The following GALNT17 variants were observed in gnomAD, a reference collection of about 807,000 sequenced individuals.
GALNT17 encodes the protein polypeptide N-acetylgalactosaminyltransferase 17.
A neutral mutation model predicts 63.7 loss-of-function variants in GALNT17; 29 were observed. The ratio of observed to expected loss-of-function variants is 0.46; its 90% CI spans 0.34 to 0.62. The LOEUF (loss-of-function observed/expected upper bound fraction) is 0.62. Ranked by LOEUF, GALNT17 falls within the 20% of genes least tolerant of loss-of-function variation. GALNT17 has a pLI of 0.01. For synonymous variants in GALNT17, 305 were observed against 318.3 expected (o/e 0.96, Z 0.45); for missense variants, 603 against 799.6 (o/e 0.75, Z 2.97).
intron 9 of GALNT17, among the ~76,000 whole-genome samples, chr7:71,687,411 C>T (rs1791377261): frequency 6.6e-6 from 1 of 152,160 alleles, no homozygotes. Context: ...CACCCCTGGT[C>T]GTCGTCGGAA....
chr7:71,591,197 C>T (rs1789795106), intron 6 of GALNT17, among the ~76,000 whole-genome samples: 1 of 152,024 alleles, frequency 6.6e-6, no homozygotes, highest in South Asian at 2.1e-4. Context: ...GCTGGGATTA[C>T]AGGCATGTGC....
intron 5 of GALNT17, among the ~76,000 whole-genome samples, chr7:71,447,947 G>A (rs1787188887): frequency 6.6e-6 from 1 of 152,128 alleles, no homozygotes; most frequent in African/African-American, 2.4e-5. Context: ...GTGATCCTGG[G>A]ATTCCTTTCA....
chr7:71,539,372 T>TA (rs1263461913), intron 5 of GALNT17, among the ~76,000 whole-genome samples: 1 of 152,160 alleles, frequency 6.6e-6, no homozygotes, highest in East Asian at 1.9e-4. Context: ...AAAAATAAAA[T>TA]AAAGGAACCT....
chr7:71,641,034 G>A (rs554165371), intron 6 of GALNT17, among the ~76,000 whole-genome samples: 5 of 152,242 alleles, frequency 3.3e-5, no homozygotes, highest in Admixed American at 1.3e-4. Flanking sequence ...GAACCTCAAG[G>A]AATGGGATAT....
At chr7:71,413,117 A>G (rs994690425) in intron 3 of GALNT17, among the ~76,000 whole-genome samples, 1 of 152,232 alleles carries the variant, frequency 6.6e-6, no homozygotes, top group Non-Finnish European at 1.5e-5. Flanking sequence ...TTTGATGCTC[A>G]TGATACTGTC....
At chr7:71,513,705 T>A (rs1390863724) in intron 5 of GALNT17, among the ~76,000 whole-genome samples, 1 of 152,008 alleles carries the variant, frequency 6.6e-6, no homozygotes, top group African/African-American at 2.4e-5. Flanking sequence ...TTTTTTTTTT[T>A]AATCCTTTAA....
chr7:71,671,603 G>A (rs550122007), intron 8 of GALNT17, among the ~76,000 whole-genome samples: 12 of 152,182 alleles, frequency 7.9e-5, no homozygotes, highest in Non-Finnish European at 1.3e-4. Flanking sequence ...ATCCTAGTAG[G>A]CTGTTACCAG....
intron 6 of GALNT17, among the ~76,000 whole-genome samples, chr7:71,639,727 T>C (rs953286959): frequency 1.3e-5 from 2 of 152,190 alleles, no homozygotes; most frequent in Admixed American, 6.5e-5. Context: ...ATCTACTGTA[T>C]ATATTGAAAA....
intron 5 of GALNT17, among the ~76,000 whole-genome samples, chr7:71,502,330 G>T (rs901518436): frequency 2.0e-5 from 3 of 152,138 alleles, no homozygotes; most frequent in Non-Finnish European, 2.9e-5. Context: ...TGAGAGATGG[G>T]GTCACATTCA....
At chr7:71,504,486 T>C (rs1788233416) in intron 5 of GALNT17, among the ~76,000 whole-genome samples, 1 of 152,194 alleles carries the variant, frequency 6.6e-6, no homozygotes, top group African/African-American at 2.4e-5. Flanking sequence ...AAATTTGCTG[T>C]CTGCTATTTA....
intron 1 of GALNT17, among the ~76,000 whole-genome samples, chr7:71,279,931 C>T (rs1790749733): frequency 6.6e-6 from 1 of 152,026 alleles, no homozygotes; most frequent in African/African-American, 2.4e-5. Flanking sequence ...AAATAATCTT[C>T]CGGCCCACTA....
intron 1 of GALNT17, among the ~76,000 whole-genome samples, chr7:71,280,606 G>A (rs1790763371): frequency 1.3e-5 from 2 of 152,302 alleles, no homozygotes; most frequent in South Asian, 4.1e-4. Context: ...GTTCAGAGTT[G>A]CCTCTGGCTT....
At chr7:71,582,506 G>A (rs1241364423) in intron 6 of GALNT17, among the ~76,000 whole-genome samples, 1 of 151,866 alleles carries the variant, frequency 6.6e-6, no homozygotes, top group East Asian at 1.9e-4. Flanking sequence ...TCTTGAACCT[G>A]GGAGGCGGAG....
At chr7:71,578,866 G>C (rs1314650064) in intron 6 of GALNT17, among the ~76,000 whole-genome samples, 1 of 152,076 alleles carries the variant, frequency 6.6e-6, no homozygotes, top group Non-Finnish European at 1.5e-5. Context: ...TTAACCAAGA[G>C]AGATTTCCCC....
At chr7:71,552,685 G>A (rs1342325464) in intron 5 of GALNT17, among the ~76,000 whole-genome samples, 8 of 151,908 alleles carry the variant, frequency 5.3e-5, no homozygotes, top group South Asian at 4.2e-4. Flanking sequence ...TAGGTGATCC[G>A]TCCGCCTCGG....
At chr7:71,172,233 A>G (rs986167486) in intron 1 of GALNT17, among the ~76,000 whole-genome samples, 3 of 152,106 alleles carry the variant, frequency 2.0e-5, no homozygotes, top group Non-Finnish European at 2.9e-5. Flanking sequence ...TGAGAGGCCA[A>G]GGTGGGAGGA....
At chr7:71,287,823 A>G (rs544996798) in intron 1 of GALNT17, among the ~76,000 whole-genome samples, 135 of 152,244 alleles carry the variant, frequency 8.9e-4, no homozygotes, top group African/African-American at 3.2e-3. Context: ...AGGCTGAGGC[A>G]GGCAGATCAC....
At chr7:71,645,687 G>A in intron 6 of GALNT17, among the ~76,000 whole-genome samples, 1 of 152,140 alleles carries the variant, frequency 6.6e-6, no homozygotes, top group East Asian at 1.9e-4. Flanking sequence ...CAATAAAAGG[G>A]ACTGAGATTT....
chr7:71,466,225 G>A (rs1787532917), intron 5 of GALNT17, among the ~76,000 whole-genome samples: 1 of 152,112 alleles, frequency 6.6e-6, no homozygotes, highest in African/African-American at 2.4e-5. Flanking sequence ...CCACCCTCTT[G>A]GCCAAGGGTA....
Sources: gnomAD v4.1 joint callset for allele counts (sites outside exome capture counted in the v4.1 genomes callset) on GRCh38, gnomAD v4.1.1 for gene constraint, MANE v1.5 for transcripts, NCBI Gene and HGNC (gene_info 2026-07-23, HGNC 2026-07-21) for gene names.